Variants in ZNF704 observed in about 807,000 individuals in gnomAD.
ZNF704 encodes zinc finger protein 704.
In ZNF704, 10 loss-of-function variants were observed where a neutral mutation model predicts 44.7. The ratio of observed to expected loss-of-function variants is 0.22; its 90% CI spans 0.14 to 0.38. The LOEUF is 0.38. ZNF704 is among the 10% of genes least tolerant of loss of function. ZNF704 has a pLI of 1.00. For synonymous variants in ZNF704, 211 were observed against 207.6 expected (o/e 1.02, Z -0.14); for missense variants, 390 against 545.5 (o/e 0.71, Z 2.84).
At chr8:80,844,070 C>T (rs924225821) in intron 1 of ZNF704, among the ~76,000 whole-genome samples, 1 of 151,426 alleles carries the variant, frequency 6.6e-6, no homozygotes, top group Non-Finnish European at 1.5e-5. Flanking sequence ...AGAAGGGGCA[C>T]AAATAAAAGA....
At chr8:80,663,565 A>G (rs868392932) in intron 6 of ZNF704, among the ~76,000 whole-genome samples, 16 of 151,960 alleles carry the variant, frequency 1.1e-4, no homozygotes, top group African/African-American at 3.9e-4. Context: ...AAGAATTTTC[A>G]TTTCTAACAA....
intron 1 of ZNF704, among the ~76,000 whole-genome samples, chr8:80,870,784 T>A (rs1809238810): frequency 6.6e-6 from 1 of 152,110 alleles, no homozygotes; most frequent in Non-Finnish European, 1.5e-5. Flanking sequence ...AACATACTGA[T>A]GTCGCTCAAA....
chr8:80,680,470 C>A (rs571473864), intron 4 of ZNF704, among the ~76,000 whole-genome samples: 1 of 151,524 alleles, frequency 6.6e-6, no homozygotes, highest in Admixed American at 6.6e-5. Flanking sequence ...GGGACCTTGA[C>A]GGACAGAGAG....
rs73692264 is a variant in ZNF704 at position 80,865,144 on chromosome 8, T to G, written c.-22+9427A>C. Among the ~76,000 whole-genome samples, 93 of 152,332 alleles carry G rather than the reference T, an allele frequency of 6.1e-4. 1 individual carries two copies. Among genetic ancestry groups the G allele is most frequent in the African/African-American group, 2.2e-3 (93 of 41,574 alleles). On this transcript the variant is annotated intron_variant, in intron 1 of 8. Transcript: ENST00000327835. ...TGTAACAGTCAAAATAACTGCAGGA[T>G]TTTTGATCCTTGAGCACAGTTTTAC...
chr8:80,877,275 A>G (rs1197005901), upstream of ZNF704, among the ~76,000 whole-genome samples: 4 of 151,560 alleles, frequency 2.6e-5, no homozygotes, highest in Non-Finnish European at 5.9e-5. Flanking sequence ...GGTTTCACCC[A>G]AGCTGGGCTT....
chr8:80,735,760 T>C (rs1285364634), intron 2 of ZNF704, among the ~76,000 whole-genome samples: 1 of 152,186 alleles, frequency 6.6e-6, no homozygotes, highest in African/African-American at 2.4e-5. Flanking sequence ...TCCACACTAA[T>C]TGTAGGTTGT....
At chr8:80,875,269 T>C (rs1809341167), upstream of ZNF704, among the ~76,000 whole-genome samples, 1 of 151,984 alleles carries the variant, frequency 6.6e-6, no homozygotes, top group Non-Finnish European at 1.5e-5. Flanking sequence ...TAGTAAGTGG[T>C]ATTTCTTCTT....
chr8:80,881,120 T>A, the ZNF704 span, among the ~76,000 whole-genome samples: 1 of 152,250 alleles, frequency 6.6e-6, no homozygotes, highest in East Asian at 1.9e-4. Context: ...TTTCAGTGTG[T>A]GCAATGCAGT....
intron 7 of ZNF704, among the ~76,000 whole-genome samples, chr8:80,657,322 C>T (rs1456460038): frequency 6.6e-6 from 1 of 152,142 alleles, no homozygotes; most frequent in African/African-American, 2.4e-5. Context: ...AGCTTGACTG[C>T]TAAAATCAGT....
intron 3 of ZNF704, among the ~76,000 whole-genome samples, chr8:80,690,783 C>A (rs142463302): frequency 2.6e-5 from 4 of 152,140 alleles, no homozygotes; most frequent in Non-Finnish European, 4.4e-5. Flanking sequence ...CCAAGGCAGG[C>A]GGATCACCTG....
chr8:80,635,222 T>TA lies in ZNF704; in HGVS notation c.*6143dup, dbSNP rs920207608. ...TGGGCTTGAAAAAACTGTACAGCAT[T>TA]ATGAAATGGTTTTGGCAAAGCTCTG... is the stretch of plus-strand genomic sequence containing the variant. On this transcript the variant is annotated 3_prime_UTR_variant, in exon 9 of 9. Coordinates refer to ENST00000327835, the MANE Select transcript of ZNF704 (RefSeq NM_001033723.3). The TA allele has an allele frequency of 2.0e-4, 31 of 152,328 alleles. No homozygotes were observed. The highest frequency in any genetic ancestry group is 7.0e-4 in the African/African-American group (29 of 41,570). 9.4% of individuals were successfully genotyped at this position (152,328 alleles called of 1,614,324 possible).
chr8:80,776,940 A>T (rs947693494), intron 2 of ZNF704: 3 of 152,214 alleles, frequency 2.0e-5, no homozygotes, highest in Non-Finnish European at 2.9e-5. Flanking sequence ...CTGGGATGAT[A>T]GGTGTGCACC....
At chr8:80,741,442 G>T (rs1044478529) in intron 2 of ZNF704, among the ~76,000 whole-genome samples, 2 of 152,214 alleles carry the variant, frequency 1.3e-5, no homozygotes, top group African/African-American at 2.4e-5. Context: ...GTGGCAAAGG[G>T]TTGGCCTCAT....
intron 2 of ZNF704, among the ~76,000 whole-genome samples, chr8:80,709,677 T>C (rs538907159): frequency 1.3e-5 from 2 of 152,130 alleles, no homozygotes; most frequent in South Asian, 4.2e-4. Flanking sequence ...GGAGTAGTTC[T>C]AAGAAAGTGT....
At chr8:80,776,938 A>G in intron 2 of ZNF704, 1 of 152,384 alleles carries the variant, frequency 6.6e-6, no homozygotes, top group Non-Finnish European at 1.5e-5. Flanking sequence ...AGCTGGGATG[A>G]TAGGTGTGCA....
intron 2 of ZNF704, among the ~76,000 whole-genome samples, chr8:80,809,159 C>T (rs1267405512): frequency 1.3e-5 from 2 of 152,140 alleles, no homozygotes; most frequent in African/African-American, 2.4e-5. Context: ...GGCGTGGTGG[C>T]ATACACCTGC....
intron 1 of ZNF704, among the ~76,000 whole-genome samples, chr8:80,860,962 G>C (rs1446236141): frequency 6.6e-6 from 1 of 152,110 alleles, no homozygotes; most frequent in Non-Finnish European, 1.5e-5. Flanking sequence ...GGTGGTGGGG[G>C]GGCAGGAAGT....
chr8:80,771,640 C>T (rs1807322053), intron 2 of ZNF704, among the ~76,000 whole-genome samples: 1 of 152,042 alleles, frequency 6.6e-6, no homozygotes, highest in Non-Finnish European at 1.5e-5. Flanking sequence ...ATTATTTTAT[C>T]TACAAATAGG....
At chr8:80,855,122 G>GTTCAA (rs1263855426) in intron 1 of ZNF704, among the ~76,000 whole-genome samples, 1 of 152,044 alleles carries the variant, frequency 6.6e-6, no homozygotes, top group Non-Finnish European at 1.5e-5. Flanking sequence ...CGCCTTTCTT[G>GTTCAA]TTCAATAGTA....
Sources: allele counts gnomAD v4.1 joint callset (sites outside exome capture counted in the v4.1 genomes callset), GRCh38; gene constraint gnomAD v4.1.1; transcripts MANE v1.5; gene names NCBI Gene and HGNC (gene_info 2026-07-23, HGNC 2026-07-21).